The following ITGA11 variants were observed in gnomAD, a reference collection of about 807,000 sequenced individuals.
ITGA11 encodes the protein integrin subunit alpha 11.
ITGA11 carries 97 observed loss-of-function variants against 141.9 expected under a neutral mutation model. The ratio of observed to expected loss-of-function variants is 0.68; its 90% CI spans 0.58 to 0.81. The LOEUF (loss-of-function observed/expected upper bound fraction) is 0.81, where lower values mean the gene tolerates loss of function less well. Among genes scored for constraint, ITGA11 ranks in the 30% least tolerant of loss-of-function variants. The pLI is 0.00. For synonymous variants in ITGA11, 658 were observed against 624.6 expected, an observed-to-expected ratio of 1.05 and a Z score of -0.80; for missense variants, 1,387 against 1,559.2, an observed-to-expected ratio of 0.89 and a Z score of 1.86.
intron 9 of ITGA11, among the ~76,000 whole-genome samples, chr15:68,349,478 C>T (rs1019918596): frequency 4.6e-5 from 7 of 152,116 alleles, no homozygotes; most frequent in East Asian, 1.9e-4. Flanking sequence ...TCAAGGCGAC[C>T]ATTTTGAGGA....
intron 2 of ITGA11, among the ~76,000 whole-genome samples, chr15:68,397,530 AATATTTAAAATATT>A (rs1373607173): frequency 1.8e-4 from 12 of 67,688 alleles, no homozygotes; most frequent in East Asian, 6.5e-4. Flanking sequence ...AATATTATAA[AATATTTAAAATATT>A]ATATTTAAAA....
At chr15:68,415,759 A>G (rs1896873645) in intron 1 of ITGA11, among the ~76,000 whole-genome samples, 1 of 152,216 alleles carries the variant, frequency 6.6e-6, no homozygotes, top group Non-Finnish European at 1.5e-5. Context: ...CATGTGTGTC[A>G]TGAGGGGCTG....
rs1224695052 is a variant in ITGA11 at position 68,324,192 on chromosome 15, AG to A, written c.2322+938del. Among the ~76,000 whole-genome samples, 2 of 130,716 alleles carry A rather than the reference AG, an allele frequency of 1.5e-5. No homozygotes were observed. Among genetic ancestry groups the A allele is most frequent in the African/African-American group, 5.9e-5 (2 of 33,892 alleles). The allele number at this position is 130,716 out of a possible 152,430, so 85.8% of individuals were successfully genotyped here. A position where few individuals can be genotyped will look rare whatever the true frequency, so the allele number is the denominator to read the frequency against. ...AGGGGACTGTGGGAGGCCTGGGGAGAGGGGTGTGGAGGGGCTGTGGGGGATG... is the reference window on the plus strand; with the variant it reads ...AGGGGACTGTGGGAGGCCTGGGGAGAGGGTGTGGAGGGGCTGTGGGGGATG... On this transcript the variant is annotated intron_variant, in intron 18 of 29. Transcript: ENST00000315757. The surrounding 1 kb of genome is among the most constrained non-coding windows in gnomAD (Gnocchi z 6.3).
intron 10 of ITGA11, chr15:68,340,702 G>T (rs1385785071): frequency 1.3e-5 from 2 of 152,184 alleles, no homozygotes; most frequent in Admixed American, 1.3e-4. Flanking sequence ...AAGTTTCCAG[G>T]TTACTGACCC....
In ITGA11 at chr15:68,335,665, T is replaced by C. The variant is rs1243151215; in HGVS notation, c.1425+32A>G. 5 of 1,609,822 alleles carry C rather than the reference T, an allele frequency of 3.1e-6. No homozygotes were observed. In the South Asian group the frequency reaches 4.4e-5, roughly 14 times the overall value. On this transcript the variant is annotated intron_variant, in intron 12 of 29. Transcript: ENST00000315757. This position sits in a 1 kb window ranked among gnomAD's most constrained non-coding sequence, Gnocchi z 4.9. ...TTTGTCTGATCTGCCCCCTCTTCCC[T>C]CCATCCCGGCCCCAGGCTCCCCCTC... is the stretch of plus-strand genomic sequence containing the variant.
intron 22 of ITGA11, 132 bp downstream of exon 22, chr15:68,315,519 C>A: frequency 1.2e-6 from 1 of 804,924 alleles, no homozygotes; most frequent in Non-Finnish European, 2.1e-6. Flanking sequence ...ACTGCCTCCA[C>A]TCAAGGTTGG....
At chr15:68,409,693 T>C (rs28735807) in intron 1 of ITGA11, among the ~76,000 whole-genome samples, 3,068 of 152,224 alleles carry the variant, frequency 0.02, 106 homozygotes, top group African/African-American at 0.064. Flanking sequence ...ATTGTGTACA[T>C]GAACAAAGCT....
chr15:68,316,217 T>A (rs150187738), intron 21 of ITGA11, among the ~76,000 whole-genome samples: 2 of 152,314 alleles, frequency 1.3e-5, no homozygotes, highest in East Asian at 1.9e-4. Flanking sequence ...TGAGGGCCAG[T>A]GGCCACCCAG....
intron 24 of ITGA11, among the ~76,000 whole-genome samples, chr15:68,312,432 C>T (rs1045183245): frequency 1.3e-5 from 2 of 152,088 alleles, no homozygotes; most frequent in Non-Finnish European, 1.5e-5. Flanking sequence ...AATAGAAGAC[C>T]CACTCCTGAA....
intron 7 of ITGA11, among the ~76,000 whole-genome samples, chr15:68,353,944 GC>G (rs35325204): frequency 6.6e-6 from 1 of 152,012 alleles, no homozygotes; most frequent in Non-Finnish European, 1.5e-5. Context: ...GGTCTGGAAG[GC>G]CTCAGGCACA....
intron 1 of ITGA11, among the ~76,000 whole-genome samples, chr15:68,407,735 T>C (rs1896682113): frequency 1.3e-5 from 2 of 152,150 alleles, no homozygotes; most frequent in African/African-American, 2.4e-5. Context: ...ATCTTGTGTG[T>C]CTTTCAAAAA....
At chr15:68,429,630 C>A (rs963140476) in intron 1 of ITGA11, among the ~76,000 whole-genome samples, 1 of 152,184 alleles carries the variant, frequency 6.6e-6, no homozygotes, top group Non-Finnish European at 1.5e-5. Flanking sequence ...TCCTGGTAAT[C>A]CTCACATTGA....
At chr15:68,352,763 C>A (rs1567141031) in intron 7 of ITGA11, among the ~76,000 whole-genome samples, 1 of 152,216 alleles carries the variant, frequency 6.6e-6, no homozygotes. Context: ...CTCAGCCCAC[C>A]TATCAGGCAA....
rs183055405 is a variant in ITGA11 at position 68,349,127 on chromosome 15, G to T, written c.1061-227C>A. ...CACACACCTTCCAGGTGCCCATGTG[G>T]GTTGTTACTGGTAGCCCACTTACTT... On this transcript the variant is annotated intron_variant, in intron 9 of 29. Transcript: ENST00000315757. 2.6e-5 allele frequency among the ~76,000 whole-genome samples: 4 copies of T among 152,352 alleles called. No individual in the cohort carries two copies. In the East Asian group the frequency reaches 7.7e-4, roughly 29 times the overall value.
At chr15:68,377,461 C>A (rs995667093) in intron 2 of ITGA11, among the ~76,000 whole-genome samples, 1 of 85,176 alleles carries the variant, frequency 1.2e-5, no homozygotes, top group Non-Finnish European at 3.0e-5. Context: ...TTAGTAGAGA[C>A]AGGGTTTCAC....
intron 2 of ITGA11, among the ~76,000 whole-genome samples, chr15:68,371,260 T>C (rs1006647242): frequency 1.3e-5 from 2 of 152,198 alleles, no homozygotes; most frequent in Admixed American, 1.3e-4. Flanking sequence ...CCCTGGGCTC[T>C]AAGCTTACTT....
chr15:68,332,227 G>T, intron 13 of ITGA11, 111 bp downstream of exon 13: 1 of 1,361,554 alleles, frequency 7.3e-7, no homozygotes, highest in Non-Finnish European at 1.0e-6. Context: ...ATTCTCCCCA[G>T]GCCTGGCTCC....
intron 10 of ITGA11, among the ~76,000 whole-genome samples, chr15:68,347,286 C>T (rs1894771231): frequency 6.6e-6 from 1 of 152,178 alleles, no homozygotes; most frequent in South Asian, 2.1e-4. Flanking sequence ...ATTCTCCTGG[C>T]ATCAGGCTCA....
At position 68,325,545 on chromosome 15, in the gene ITGA11, G is replaced by A. The variant is rs1567129467; in HGVS notation, c.2212-304C>T. The stretch of plus-strand genomic sequence containing the variant: ...GCCCGGGTACCTCGGCCTCTGGGAA[G>A]CCTGGCAGTGCCCGCCTGTATCCCA... On this transcript the variant is annotated intron_variant, in intron 17 of 29. Coordinates refer to ENST00000315757, the MANE Select transcript of ITGA11 (RefSeq NM_001004439.2). This position sits in a 1 kb window ranked among gnomAD's most constrained non-coding sequence, Gnocchi z 5.5. Among the ~76,000 whole-genome samples, 1 of 152,196 alleles carries A rather than the reference G, an allele frequency of 6.6e-6. No individual in the cohort carries two copies. The highest frequency in any genetic ancestry group is 1.5e-5 in the Non-Finnish European group (1 of 68,028).
Sources: gnomAD v4.1 joint callset for allele counts (sites outside exome capture counted in the v4.1 genomes callset) on GRCh38, gnomAD v4.1.1 for gene constraint, Gnocchi (gnomAD v3.1) non-coding constraint, MANE v1.5 for transcripts, NCBI Gene and HGNC (gene_info 2026-07-23, HGNC 2026-07-21) for gene names.